Variants in NSD1 observed in about 807,000 individuals in gnomAD.
The protein encoded by NSD1 is histone-lysine N-methyltransferase, H3 lysine-36 specific.
NSD1 carries 26 observed loss-of-function variants against 242.7 expected under a neutral mutation model. The ratio of observed to expected loss-of-function variants is 0.11; its 90% CI spans 0.08 to 0.15. NSD1 has a LOEUF of 0.15. NSD1 is among the 10% of genes least tolerant of loss of function. The pLI is 1.00. For missense variants in NSD1, 2,495 were observed against 3,272.8 expected, an observed-to-expected ratio of 0.76 and a Z score of 5.80; for synonymous variants, 1,106 against 1,178.1, an observed-to-expected ratio of 0.94 and a Z score of 1.25.
chr5:177,178,937 G>A (rs568946518), intron 2 of NSD1, among the ~76,000 whole-genome samples: 3 of 152,238 alleles, frequency 2.0e-5, no homozygotes, highest in African/African-American at 7.2e-5. Context: ...ATGCACAAGG[G>A]GATCCAGAGC....
intron 2 of NSD1, among the ~76,000 whole-genome samples, chr5:177,181,214 G>A (rs553435867): frequency 6.6e-6 from 1 of 151,888 alleles, no homozygotes; most frequent in South Asian, 2.1e-4. Context: ...AATTCGGGAA[G>A]GAAGTTTGCA....
At position 177,135,580 on chromosome 5, in the gene NSD1, G is replaced by A. The variant is rs1288079051; in HGVS notation, c.477G>A (p.Val159=). The change falls in exon 2 of 23, where the codon GTG becomes GTA. Residue 159 remains valine (V), a synonymous_variant. Coordinates refer to ENST00000439151, the MANE Select transcript of NSD1 (RefSeq NM_022455.5). ...TGCACTTTGAGAATTTTACTTGTGT[G>A]GACGATGCAGATGTAGATTCTGAAA... ...GFLHFENFTC[V]DDADVDSEMD... 8.7e-6 allele frequency: 14 copies of A among 1,614,026 alleles called. No homozygotes were observed. Among genetic ancestry groups the A allele is most frequent in the Non-Finnish European group, 1.2e-5 (14 of 1,180,048 alleles).
intron 2 of NSD1, among the ~76,000 whole-genome samples, chr5:177,157,841 C>T (rs1310783536): frequency 6.6e-6 from 1 of 152,218 alleles, no homozygotes; most frequent in African/African-American, 2.4e-5. Context: ...GCGTTTCATA[C>T]AAATACAGTC....
chr5:177,190,966 C>CAATCCCAGTA (rs1562179240), intron 2 of NSD1, among the ~76,000 whole-genome samples: 3 of 127,344 alleles, frequency 2.4e-5, no homozygotes, highest in East Asian at 2.4e-4. Flanking sequence ...TGCACCCAGC[C>CAATCCCAGTA]TTTTTTTTTT....
chr5:177,183,210 A>G (rs1269264383), intron 2 of NSD1, among the ~76,000 whole-genome samples: 1 of 152,194 alleles, frequency 6.6e-6, no homozygotes, highest in African/African-American at 2.4e-5. Context: ...ACAACAAAGC[A>G]TTCTTAATTT....
At chr5:177,251,001 C>T (rs1020665377) in intron 11 of NSD1, among the ~76,000 whole-genome samples, 1 of 152,044 alleles carries the variant, frequency 6.6e-6, no homozygotes, top group Admixed American at 6.6e-5. Flanking sequence ...ACCAGCCTGG[C>T]CAACGTGGTG....
At chr5:177,190,759 T>G (rs1413416724) in intron 2 of NSD1, among the ~76,000 whole-genome samples, 6 of 151,062 alleles carry the variant, frequency 4.0e-5, no homozygotes, top group Admixed American at 3.3e-4. Flanking sequence ...AAGCTCCGCC[T>G]CCTGGGTTCA....
chr5:177,181,627 A>G (rs1369143532), intron 2 of NSD1, among the ~76,000 whole-genome samples: 1 of 151,162 alleles, frequency 6.6e-6, no homozygotes, highest in Non-Finnish European at 1.5e-5. Flanking sequence ...AGGTTTTGCC[A>G]TGTTGTCTAA....
chr5:177,164,745 A>G (rs1240094832), intron 2 of NSD1, among the ~76,000 whole-genome samples: 1 of 151,878 alleles, frequency 6.6e-6, no homozygotes, highest in Non-Finnish European at 1.5e-5. Context: ...GAAGTTCAAG[A>G]CCAGCCTGGC....
chr5:177,240,670 G>A (rs989527598), intron 8 of NSD1, among the ~76,000 whole-genome samples: 8 of 151,948 alleles, frequency 5.3e-5, no homozygotes, highest in East Asian at 3.9e-4. Flanking sequence ...CCGAGATGGC[G>A]CCACTGCACT....
At chr5:177,276,019 G>T (rs187276669) in intron 17 of NSD1, among the ~76,000 whole-genome samples, 1 of 151,702 alleles carries the variant, frequency 6.6e-6, no homozygotes, top group East Asian at 2.0e-4. Flanking sequence ...CTTCGTGGGC[G>T]CAAGTGATTC....
At chr5:177,221,301 G>GT (rs368752639) in intron 5 of NSD1, among the ~76,000 whole-genome samples, 10,185 of 138,778 alleles carry the variant, frequency 0.073, 537 homozygotes, top group African/African-American at 0.16. Context: ...CTTGTTTTTT[G>GT]TTTTTTTTTT....
intron 3 of NSD1, among the ~76,000 whole-genome samples, chr5:177,194,694 CTTTT>C (rs771213970): frequency 6.1e-5 from 3 of 49,032 alleles, no homozygotes; most frequent in South Asian, 7.4e-4. Context: ...ATTTTAGTGT[CTTTT>C]TTTTTTTTTT....
chr5:177,296,598 C>T lies in NSD1; in HGVS notation c.*1139C>T, dbSNP rs1019034931. 1 of 233,156 alleles carries T rather than the reference C, an allele frequency of 4.3e-6. No individual in the cohort carries two copies. Among genetic ancestry groups the T allele is most frequent in the African/African-American group, 2.2e-5 (1 of 45,330 alleles). 14.4% of individuals were successfully genotyped at this position (233,156 alleles called of 1,614,324 possible). A position where few individuals can be genotyped will look rare whatever the true frequency, so the allele number is the denominator to read the frequency against. On this transcript the variant is annotated 3_prime_UTR_variant, in exon 23 of 23. Transcript: ENST00000439151. Reference sequence around the variant, plus strand: ...TCGCCTCCCTGAGAATTGCTGTGCTCTGTATTGAGAGCACCTGCCTGCTGA... The same window carrying T: ...TCGCCTCCCTGAGAATTGCTGTGCTTTGTATTGAGAGCACCTGCCTGCTGA...
chr5:177,272,858 G>T (rs1035264397), intron 16 of NSD1, among the ~76,000 whole-genome samples: 6 of 152,138 alleles, frequency 3.9e-5, no homozygotes, highest in Admixed American at 6.5e-5. Context: ...ACTCCAACCA[G>T]AGTGTTAGAG....
chr5:177,233,585 G>T (rs1319689856), intron 5 of NSD1, among the ~76,000 whole-genome samples: 5 of 144,952 alleles, frequency 3.4e-5, no homozygotes, highest in Admixed American at 2.8e-4. Flanking sequence ...CACCATATTG[G>T]CCAGGCTGGT....
chr5:177,270,343 T>TA (rs1757854399), intron 16 of NSD1, among the ~76,000 whole-genome samples: 2 of 152,228 alleles, frequency 1.3e-5, no homozygotes, highest in Admixed American at 1.3e-4. Flanking sequence ...TTTTACTGCT[T>TA]ACCAGGTGGT....
chr5:177,251,973 A>C, intron 12 of NSD1, 120 bp downstream of exon 12: 1 of 1,259,600 alleles, frequency 7.9e-7, no homozygotes, highest in East Asian at 2.4e-5. Flanking sequence ...ACAGATATAG[A>C]AATGGTGCTG....
chr5:177,243,046 G>A (rs1766006813), intron 8 of NSD1, among the ~76,000 whole-genome samples: 1 of 152,070 alleles, frequency 6.6e-6, no homozygotes, highest in African/African-American at 2.4e-5. Context: ...GCTTTAATTT[G>A]GATTAATCTG....
Sources: gnomAD v4.1 joint callset for allele counts (sites outside exome capture counted in the v4.1 genomes callset) on GRCh38, gnomAD v4.1.1 for gene constraint, MANE v1.5 for transcripts, NCBI Gene and HGNC (gene_info 2026-07-23, HGNC 2026-07-21) for gene names.